ANKRD26: variants seen among roughly 807,000 people sequenced by gnomAD.
ANKRD26 encodes the protein ankyrin repeat domain-containing protein 26.
A neutral mutation model predicts 208.7 loss-of-function variants in ANKRD26; 141 were observed. That is an observed-to-expected ratio of 0.68 (90% confidence interval 0.59 to 0.78). The LOEUF (loss-of-function observed/expected upper bound fraction) is 0.78, where lower values mean the gene tolerates loss of function less well. Ranked by LOEUF, ANKRD26 falls within the 30% of genes least tolerant of loss-of-function variation. ANKRD26 has a pLI of 0.00. For synonymous variants in ANKRD26, 636 were observed against 660.4 expected (o/e 0.96, Z 0.57); for missense variants, 1,889 against 1,938.7 (o/e 0.97, Z 0.48).
the ANKRD26 span, among the ~76,000 whole-genome samples, chr10:26,958,476 T>C: frequency 6.6e-6 from 1 of 152,088 alleles, no homozygotes; most frequent in African/African-American, 2.4e-5. Flanking sequence ...CCAGTGTGTG[T>C]TGTTCCCCCC....
chr10:27,076,016 A>G (rs531604484), intron 9 of ANKRD26, among the ~76,000 whole-genome samples: 2 of 152,326 alleles, frequency 1.3e-5, no homozygotes, highest in South Asian at 4.1e-4. Flanking sequence ...TTCGGAGTTA[A>G]TAATAAAATC....
downstream of ANKRD26, among the ~76,000 whole-genome samples, chr10:26,973,458 T>C (rs2134594712): frequency 6.8e-6 from 1 of 147,536 alleles, no homozygotes; most frequent in African/African-American, 2.5e-5. Flanking sequence ...TATCTTTCCT[T>C]TTTTTTTTTA....
In ANKRD26 at chr10:27,049,944, C is replaced by T. The variant is rs189078238; in HGVS notation, c.1636-965G>A. Reference sequence around the variant, plus strand: ...TTTACTTTTAAAGAAGAATATTGGCCGGGCGCAGTGGCTCACGCCTGTAAT... The same window carrying T: ...TTTACTTTTAAAGAAGAATATTGGCTGGGCGCAGTGGCTCACGCCTGTAAT... On this transcript the variant is annotated intron_variant, in intron 16 of 33. Transcript: ENST00000376087. 4.6e-5 allele frequency among the ~76,000 whole-genome samples: 7 copies of T among 151,986 alleles called. No homozygotes were observed. In the East Asian group the frequency reaches 9.7e-4, roughly 21 times the overall value.
intron 4 of ANKRD26, among the ~76,000 whole-genome samples, chr10:27,087,320 G>T (rs2056155797): frequency 1.3e-5 from 2 of 152,086 alleles, no homozygotes; most frequent in South Asian, 4.1e-4. Flanking sequence ...GGGTTATAAA[G>T]ATTTAACAAG....
intron 27 of ANKRD26, 87 bp downstream of exon 27, chr10:27,028,765 A>C: frequency 9.0e-7 from 1 of 1,105,552 alleles, no homozygotes; most frequent in Non-Finnish European, 1.4e-6. Context: ...TCTGGTCTCA[A>C]GCATTTTAAA....
chr10:27,044,133 TTGATAATTTATTTTTTAC>T lies in ANKRD26; in HGVS notation c.2019+6_2019+23del, dbSNP rs2054359151. On this transcript the variant is annotated splice_donor_region_variant and intron_variant, in intron 19 of 33. Transcript: ENST00000376087. ...TAATGTATTTTTTTAAACAATAATT[TTGATAATTTATTTTTTAC>T]AGTACCTTGTTCTTTTCATTAGATG... 1 of 1,347,774 alleles carries T rather than the reference TTGATAATTTATTTTTTAC, an allele frequency of 7.4e-7. No homozygotes were observed. The highest frequency in any genetic ancestry group is 1.5e-5 in the African/African-American group (1 of 67,286). 83.5% of individuals were successfully genotyped at this position (1,347,774 alleles called of 1,614,324 possible).
chr10:27,085,702 G>A (rs1370536847), intron 5 of ANKRD26, among the ~76,000 whole-genome samples: 1 of 152,088 alleles, frequency 6.6e-6, no homozygotes, highest in Non-Finnish European at 1.5e-5. Context: ...AAATCACTAT[G>A]TAATGACCCT....
intron 21 of ANKRD26, among the ~76,000 whole-genome samples, chr10:27,038,689 ACTC>A (rs1452602238): frequency 6.6e-6 from 1 of 152,066 alleles, no homozygotes; most frequent in Non-Finnish European, 1.5e-5. Context: ...AGTCATAATT[ACTC>A]CTCAATTAGG....
chr10:27,022,886 CAT>C (rs1468721114), intron 28 of ANKRD26, among the ~76,000 whole-genome samples, 199 bp from the exon 29 acceptor site: 1 of 152,046 alleles, frequency 6.6e-6, no homozygotes, highest in Non-Finnish European at 1.5e-5. Flanking sequence ...AATTATATGA[CAT>C]ATATGGCAGA....
At chr10:26,953,422 A>C in the ANKRD26 span, among the ~76,000 whole-genome samples, 2 of 152,168 alleles carry the variant, frequency 1.3e-5, no homozygotes, top group Non-Finnish European at 2.9e-5. Flanking sequence ...AAAGAGTGGG[A>C]CACTGTCTCC....
chr10:27,042,281 T>A (rs1271214170), intron 20 of ANKRD26, among the ~76,000 whole-genome samples: 1 of 152,186 alleles, frequency 6.6e-6, no homozygotes, highest in Non-Finnish European at 1.5e-5. Context: ...CTTCAATCCA[T>A]ACAAAAATAT....
chr10:27,014,220 G>A (rs1218081452), intron 31 of ANKRD26, among the ~76,000 whole-genome samples: 2 of 151,190 alleles, frequency 1.3e-5, no homozygotes, highest in Admixed American at 1.3e-4. Flanking sequence ...AAATTACAAA[G>A]TTTTAAAAGC....
intron 1 of ANKRD26, among the ~76,000 whole-genome samples, chr10:27,099,571 G>GT (rs1320211789): frequency 1.4e-5 from 2 of 139,870 alleles, no homozygotes; most frequent in East Asian, 5.1e-4. Context: ...TTGGGGGGGG[G>GT]GGTCTCGCTA....
intron 2 of ANKRD26, 21 bp downstream of exon 2, chr10:27,093,664 A>G: frequency 1.2e-6 from 2 of 1,607,920 alleles, no homozygotes. Context: ...TCTGATGCTG[A>G]AAGAGCTGGC....
chr10:27,037,386 G>T, intron 22 of ANKRD26, 63 bp from the exon 23 acceptor site: 1 of 1,560,016 alleles, frequency 6.4e-7, no homozygotes, highest in Admixed American at 1.8e-5. Context: ...GTTAACAAGA[G>T]CAGAATTTTA....
At chr10:27,062,758 C>CTTTT (rs2055104029) in intron 12 of ANKRD26, among the ~76,000 whole-genome samples, 1 of 150,850 alleles carries the variant, frequency 6.6e-6, no homozygotes, top group Admixed American at 6.6e-5. Flanking sequence ...TGAAGTAACA[C>CTTTT]TTTCTTTCTT....
intron 16 of ANKRD26, among the ~76,000 whole-genome samples, chr10:27,050,686 T>C (rs2054624352): frequency 1.3e-5 from 2 of 152,208 alleles, no homozygotes; most frequent in Admixed American, 1.3e-4. Flanking sequence ...TGCCATGTTG[T>C]TGTTTAAATA....
chr10:27,039,223 GC>G, intron 21 of ANKRD26, among the ~76,000 whole-genome samples: 1 of 152,192 alleles, frequency 6.6e-6, no homozygotes, highest in Admixed American at 6.5e-5. Context: ...GGAGGCCAAG[GC>G]GGGAGGATCA....
intron 12 of ANKRD26, among the ~76,000 whole-genome samples, chr10:27,061,549 T>C (rs1290305752): frequency 7.0e-6 from 1 of 143,200 alleles, no homozygotes. Context: ...TTAATATCAA[T>C]GCAACATCTA....
Sources: gnomAD v4.1 joint callset for allele counts (sites outside exome capture counted in the v4.1 genomes callset) on GRCh38, gnomAD v4.1.1 for gene constraint, MANE v1.5 for transcripts, NCBI Gene and HGNC (gene_info 2026-07-23, HGNC 2026-07-21) for gene names.